The following PLCXD3 variants were observed in gnomAD, a reference collection of about 807,000 sequenced individuals.
The protein encoded by PLCXD3 is phosphatidylinositol specific phospholipase C X domain containing 3.
A neutral mutation model predicts 25.5 loss-of-function variants in PLCXD3; 19 were observed. The ratio of observed to expected loss-of-function variants is 0.75; its 90% CI spans 0.52 to 1.09. The LOEUF is 1.09. Ranked by LOEUF, PLCXD3 falls within the 50% of genes least tolerant of loss-of-function variation. The probability of loss-of-function intolerance (pLI) is 0.00; values close to 1 mark genes in which losing one functional copy is unlikely to be tolerated. For missense variants in PLCXD3, 411 were observed against 388.1 expected, an observed-to-expected ratio of 1.06 and a Z score of -0.50; for synonymous variants, 174 against 137.6, an observed-to-expected ratio of 1.26 and a Z score of -1.85.
Position 41,309,058 on chromosome 5 carries a change from G to A in PLCXD3, c.*4559C>T, listed in dbSNP as rs1238353324. 6.6e-6 allele frequency: 1 copy of A among 152,526 alleles called. No homozygotes were observed. The highest frequency in any genetic ancestry group is 6.6e-5 in the Admixed American group (1 of 15,252). The allele number at this position is 152,526 out of a possible 1,614,324, so 9.4% of individuals were successfully genotyped here. On this transcript the variant is annotated 3_prime_UTR_variant, in exon 3 of 3. Coordinates refer to ENST00000377801, the MANE Select transcript of PLCXD3 (RefSeq NM_001005473.3). ...AAAAAGTGTTAATAAATTAAGGCTG[G>A]TCACAATGTGCCCTTTTTCTTTAGG...
chr5:41,419,845 T>C (rs77756579), intron 1 of PLCXD3, among the ~76,000 whole-genome samples: 16,538 of 152,196 alleles, frequency 0.11, 1,090 homozygotes, highest in Admixed American at 0.17. Context: ...AGGTAATACA[T>C]GGAAAACACT....
At chr5:41,465,353 C>CTTTTTTTTTTGTTTTTTT (rs1747992004) in intron 1 of PLCXD3, among the ~76,000 whole-genome samples, 1 of 13,228 alleles carries the variant, frequency 7.6e-5, no homozygotes, top group Non-Finnish European at 1.3e-4. Flanking sequence ...TAGTTCTTGT[C>CTTTTTTTTTTGTTTTTTT]TTTTTTTTTT....
intron 1 of PLCXD3, among the ~76,000 whole-genome samples, chr5:41,405,796 T>TTA (rs977093064): frequency 2.6e-5 from 4 of 152,250 alleles, no homozygotes; most frequent in African/African-American, 9.6e-5. Context: ...TTGTTTTGTT[T>TTA]ACCATTTCCA....
chr5:41,339,943 G>T (rs2329601), intron 2 of PLCXD3, among the ~76,000 whole-genome samples: 12,804 of 152,212 alleles, frequency 0.084, 825 homozygotes, highest in East Asian at 0.35. Flanking sequence ...GGAACAAAAG[G>T]AAAGACACTC....
chr5:41,509,808 T>A (rs896969543), intron 1 of PLCXD3, among the ~76,000 whole-genome samples: 16 of 152,180 alleles, frequency 1.1e-4, no homozygotes, highest in Admixed American at 9.2e-4. Flanking sequence ...TCCAAACCGA[T>A]ACGAAATGGT....
rs533502968 is a variant in PLCXD3, at chr5:41,313,525, A to T, written c.*92T>A. The T allele has an allele frequency of 6.7e-7, 1 of 1,489,054 alleles. No individual in the cohort carries two copies. The highest frequency in any genetic ancestry group is 1.4e-5 in the African/African-American group (1 of 72,052). 92.2% of individuals were successfully genotyped at this position (1,489,054 alleles called of 1,614,324 possible). On this transcript the variant is annotated 3_prime_UTR_variant, in exon 3 of 3. Coordinates refer to ENST00000377801, the MANE Select transcript of PLCXD3 (RefSeq NM_001005473.3). ...CCAGCCCTATTCCCTTCAGAGACTCAGTGGAATAGGAAGATCAGAGTGTTT... is the reference window on the plus strand; with the variant it reads ...CCAGCCCTATTCCCTTCAGAGACTCTGTGGAATAGGAAGATCAGAGTGTTT...
rs57593635 is a variant in PLCXD3 at position 41,391,899 on chromosome 5, C to G, written c.104-9365G>C. Among the ~76,000 whole-genome samples the G allele has an allele frequency of 1.3e-3, 200 of 152,220 alleles. 1 individual carries two copies. Among genetic ancestry groups the G allele is most frequent in the African/African-American group, 4.6e-3 (193 of 41,546 alleles). ...GGGAACATAGGCCTTAAGGGAACAC[C>G]AGCAATAGTGTGGCAGTACTCCTCG... is the stretch of plus-strand genomic sequence containing the variant. On this transcript the variant is annotated intron_variant, in intron 1 of 2. Transcript: ENST00000377801.
intron 1 of PLCXD3, among the ~76,000 whole-genome samples, chr5:41,411,720 T>TTTTTATAATTTTATA (rs1233249886): frequency 6.7e-6 from 1 of 148,552 alleles, no homozygotes; most frequent in Non-Finnish European, 1.5e-5. Context: ...CCAAATAATA[T>TTTTTATAATTTTATA]TTTTATAATT....
At chr5:41,451,906 C>T (rs1406983207) in intron 1 of PLCXD3, among the ~76,000 whole-genome samples, 1 of 151,970 alleles carries the variant, frequency 6.6e-6, no homozygotes, top group African/African-American at 2.4e-5. Flanking sequence ...GCCTACTTGA[C>T]CCTTGGAGTG....
intron 2 of PLCXD3, among the ~76,000 whole-genome samples, chr5:41,367,836 G>A (rs1744981032): frequency 6.6e-6 from 1 of 152,010 alleles, no homozygotes; most frequent in Admixed American, 6.6e-5. Flanking sequence ...AAGAAGGGGT[G>A]TAGTTTCAAT....
chr5:41,351,403 AC>A (rs1285188152), intron 2 of PLCXD3, among the ~76,000 whole-genome samples: 22 of 152,208 alleles, frequency 1.4e-4, no homozygotes, highest in Admixed American at 1.0e-3. Flanking sequence ...CAGACCTGGC[AC>A]AGGGGCTGAG....
chr5:41,465,647 C>T (rs150783418), intron 1 of PLCXD3, among the ~76,000 whole-genome samples: 1 of 151,810 alleles, frequency 6.6e-6, no homozygotes, highest in Non-Finnish European at 1.5e-5. Flanking sequence ...CTCAGAGTCT[C>T]TTTAGAGATC....
At chr5:41,470,953 A>G (rs1748142899) in intron 1 of PLCXD3, among the ~76,000 whole-genome samples, 1 of 152,160 alleles carries the variant, frequency 6.6e-6, no homozygotes, top group South Asian at 2.1e-4. Context: ...AGTGATGAAA[A>G]CAAATTTTAC....
chr5:41,454,614 A>G (rs774518556), intron 1 of PLCXD3, among the ~76,000 whole-genome samples: 1 of 151,962 alleles, frequency 6.6e-6, no homozygotes, highest in East Asian at 1.9e-4. Flanking sequence ...GACCATGCCT[A>G]TCCTTCTAAG....
intron 1 of PLCXD3, among the ~76,000 whole-genome samples, chr5:41,405,833 A>G (rs78832805): frequency 0.11 from 16,524 of 151,876 alleles, 1,076 homozygotes; most frequent in Admixed American, 0.17. Flanking sequence ...AGTCTACTTA[A>G]TCTGCCTCTC....
At chr5:41,383,047 A>C (rs2150493315) in intron 1 of PLCXD3, among the ~76,000 whole-genome samples, 1 of 152,204 alleles carries the variant, frequency 6.6e-6, no homozygotes, top group Non-Finnish European at 1.5e-5. Flanking sequence ...AAGAGGTCAA[A>C]GTGATAGGGG....
intron 1 of PLCXD3, among the ~76,000 whole-genome samples, chr5:41,396,427 A>G (rs978205498): frequency 2.0e-5 from 3 of 152,086 alleles, no homozygotes; most frequent in Non-Finnish European, 4.4e-5. Context: ...GCCATGCTTC[A>G]TTTACAGCAT....
intron 1 of PLCXD3, among the ~76,000 whole-genome samples, chr5:41,455,632 G>A (rs958567867): frequency 1.3e-5 from 2 of 151,948 alleles, no homozygotes; most frequent in Non-Finnish European, 2.9e-5. Context: ...CATATAAAGT[G>A]AAGTGCAGAA....
chr5:41,332,459 G>C (rs953772847), intron 2 of PLCXD3, among the ~76,000 whole-genome samples: 2 of 152,160 alleles, frequency 1.3e-5, no homozygotes, highest in African/African-American at 4.8e-5. Context: ...TGCTGGAGAG[G>C]ATGTGGAGAA....
Sources: allele counts gnomAD v4.1 joint callset (sites outside exome capture counted in the v4.1 genomes callset), GRCh38; gene constraint gnomAD v4.1.1; transcripts MANE v1.5; gene names NCBI Gene and HGNC (gene_info 2026-07-23, HGNC 2026-07-21).